DCLK2: variants seen among roughly 807,000 people sequenced by gnomAD.
DCLK2 encodes the protein serine/threonine-protein kinase DCLK2.
A neutral mutation model predicts 78.4 loss-of-function variants in DCLK2; 31 were observed. The ratio of observed to expected loss-of-function variants is 0.40; its 90% confidence interval spans 0.30 to 0.53. The LOEUF (loss-of-function observed/expected upper bound fraction) is 0.53, where lower values mean the gene tolerates loss of function less well. Among genes scored for constraint, DCLK2 ranks in the 20% least tolerant of loss-of-function variants. The pLI is 0.61. For missense variants in DCLK2, 872 were observed against 973.7 expected (o/e 0.90, Z 1.39); for synonymous variants, 407 against 374.9 (o/e 1.09, Z -0.99).
chr4:150,140,998 A>C (rs916023831), intron 2 of DCLK2, among the ~76,000 whole-genome samples: 2 of 152,180 alleles, frequency 1.3e-5, no homozygotes, highest in Non-Finnish European at 2.9e-5. Context: ...TCTTCCTTCA[A>C]ATATGGAGAT....
At chr4:150,154,018 A>G (rs1352986376) in intron 2 of DCLK2, among the ~76,000 whole-genome samples, 1 of 152,188 alleles carries the variant, frequency 6.6e-6, no homozygotes, top group Non-Finnish European at 1.5e-5. Flanking sequence ...AAACTGTGTA[A>G]TTGGAAACTT....
At position 150,238,678 on chromosome 4, in the gene DCLK2, T is replaced by C. The variant is rs970966930; in HGVS notation, c.1567-1064T>C. Among the ~76,000 whole-genome samples, 11 of 152,074 alleles carry C rather than the reference T, an allele frequency of 7.2e-5. 1 individual carries two copies. Among genetic ancestry groups the C allele is most frequent in the African/African-American group, 1.9e-4 (8 of 41,404 alleles). On this transcript the variant is annotated intron_variant, in intron 10 of 15. Transcript: ENST00000296550. ...TCTGATTACCCACAAGGAAGGAGCA[T>C]TTATTGAGCCCTGTTCTGAGCTTTG...
chr4:150,249,474 G>A, intron 14 of DCLK2, 94 bp from the exon 15 acceptor site: 1 of 949,944 alleles, frequency 1.1e-6, no homozygotes, highest in Non-Finnish European at 1.7e-6. Context: ...AGGTCAGGAG[G>A]GTGGTTGAGG....
chr4:150,106,687 A>C (rs1007263483), intron 2 of DCLK2, among the ~76,000 whole-genome samples: 2 of 152,318 alleles, frequency 1.3e-5, no homozygotes, highest in South Asian at 2.1e-4. Flanking sequence ...TGAGAGTTTT[A>C]AGGGGCTGGT....
intron 5 of DCLK2, among the ~76,000 whole-genome samples, chr4:150,217,835 T>TA (rs796519143): frequency 6.6e-6 from 1 of 152,382 alleles, no homozygotes; most frequent in South Asian, 2.1e-4. Context: ...AGTAATTGGA[T>TA]AAGTCATCCC....
At chr4:150,250,844 C>G (rs1245412373) in intron 15 of DCLK2, among the ~76,000 whole-genome samples, 1 of 149,278 alleles carries the variant, frequency 6.7e-6, no homozygotes, top group Non-Finnish European at 1.5e-5. Flanking sequence ...AAGCCACACA[C>G]ATAACCCACA....
intron 2 of DCLK2, among the ~76,000 whole-genome samples, chr4:150,120,755 G>A (rs1732471610): frequency 6.6e-6 from 1 of 152,150 alleles, no homozygotes; most frequent in African/African-American, 2.4e-5. Context: ...GTCAAACAAT[G>A]TACCTACGTT....
At chr4:150,248,182 A>T in intron 13 of DCLK2, 123 bp from the exon 14 acceptor site, 1 of 754,238 alleles carries the variant, frequency 1.3e-6, no homozygotes. Context: ...TTTAGGTTTG[A>T]ATCAGTTAGC....
chr4:150,250,668 C>A (rs901196564), intron 15 of DCLK2, among the ~76,000 whole-genome samples: 3 of 151,780 alleles, frequency 2.0e-5, no homozygotes, highest in African/African-American at 7.3e-5. Context: ...GGATGGGCCA[C>A]CTCCACAGCT....
intron 5 of DCLK2, chr4:150,209,818 G>A (rs1229542871): frequency 6.6e-6 from 1 of 152,508 alleles, no homozygotes; most frequent in Admixed American, 6.5e-5. Flanking sequence ...GCTCATGCCT[G>A]TGATCCCAGC....
chr4:150,151,555 G>A (rs960604806), intron 2 of DCLK2, among the ~76,000 whole-genome samples: 3 of 152,204 alleles, frequency 2.0e-5, no homozygotes, highest in African/African-American at 7.2e-5. Flanking sequence ...CAAGAAGCTT[G>A]AAAAGGAAAA....
chr4:150,113,213 T>C (rs910168306), intron 2 of DCLK2, among the ~76,000 whole-genome samples: 2 of 152,156 alleles, frequency 1.3e-5, no homozygotes, highest in African/African-American at 2.4e-5. Context: ...TTCCTTTTTG[T>C]TATGTCCTTT....
intron 2 of DCLK2, among the ~76,000 whole-genome samples, chr4:150,139,266 G>A (rs1580578867): frequency 6.6e-6 from 1 of 152,300 alleles, no homozygotes; most frequent in African/African-American, 2.4e-5. Context: ...GTTATGCCTA[G>A]CAAAGAACTT....
intron 2 of DCLK2, among the ~76,000 whole-genome samples, chr4:150,127,843 A>G (rs895162895): frequency 1.3e-5 from 2 of 152,214 alleles, no homozygotes; most frequent in Admixed American, 1.3e-4. Context: ...TGCCCAGTAT[A>G]AGAGCATCAT....
chr4:150,174,167 C>G (rs965870436), intron 2 of DCLK2, among the ~76,000 whole-genome samples: 1 of 152,138 alleles, frequency 6.6e-6, no homozygotes, highest in Non-Finnish European at 1.5e-5. Context: ...GACGCATGTG[C>G]ACACCCACAG....
Position 150,247,682 on chromosome 4 carries a change from A to G in DCLK2, c.1858A>G (p.Ile620Val), listed in dbSNP as rs1560908469. The G allele has an allele frequency of 2.5e-6, 4 of 1,613,938 alleles. No individual in the cohort carries two copies. Among genetic ancestry groups the G allele is most frequent in the Non-Finnish European group, 3.4e-6 (4 of 1,179,988 alleles). ...LEFPAPYWDNITDSAKELISQ... is the reference protein window; with the variant it reads ...LEFPAPYWDNVTDSAKELISQ... Reference sequence around the variant, plus strand: ...GTTTCCGGCCCCCTACTGGGATAACATCACGGACTCTGCCAAGGTACCCTC... The same window carrying G: ...GTTTCCGGCCCCCTACTGGGATAACGTCACGGACTCTGCCAAGGTACCCTC... The change falls in exon 13 of 16, where the codon ATC becomes GTC. Residue 620 changes from isoleucine to valine, a missense_variant. Physicochemically the swap from Ile to Val is conservative, Grantham distance 29. Coordinates refer to ENST00000296550, the MANE Select transcript of DCLK2 (RefSeq NM_001040260.4).
At chr4:150,251,649 C>A (rs1414211628) in intron 15 of DCLK2, among the ~76,000 whole-genome samples, 4 of 54,274 alleles carry the variant, frequency 7.4e-5, no homozygotes, top group African/African-American at 3.4e-4. Flanking sequence ...CACCCCCCGC[C>A]CCCACGAGCG....
chr4:150,088,440 G>T (rs1402673463), intron 1 of DCLK2, among the ~76,000 whole-genome samples: 2 of 148,498 alleles, frequency 1.3e-5, no homozygotes, highest in East Asian at 2.0e-4. Context: ...GCTTATATAT[G>T]ACAGCCTTCA....
intron 2 of DCLK2, among the ~76,000 whole-genome samples, chr4:150,154,826 A>G (rs576464261): frequency 3.3e-5 from 5 of 152,334 alleles, no homozygotes; most frequent in East Asian, 3.9e-4. Flanking sequence ...TTACTGCACA[A>G]TTGAGTTGTG....
Sources: allele counts gnomAD v4.1 joint callset (sites outside exome capture counted in the v4.1 genomes callset), GRCh38; gene constraint gnomAD v4.1.1; transcripts MANE v1.5; gene names NCBI Gene and HGNC (gene_info 2026-07-23, HGNC 2026-07-21).